Variants in CLEC4A observed in about 807,000 individuals in gnomAD.
The protein encoded by CLEC4A is C-type lectin domain family 4 member A, also known as C-type (calcium dependent, carbohydrate-recognition domain) lectin, superfamily member 6.
CLEC4A carries 27 observed loss-of-function variants against 32.7 expected under a neutral mutation model. The ratio of observed to expected loss-of-function variants is 0.83; its 90% CI spans 0.61 to 1.14. CLEC4A has a LOEUF of 1.14. Among genes scored for constraint, CLEC4A ranks in the 50% most tolerant of loss-of-function variants. The pLI, the probability that CLEC4A is intolerant of heterozygous loss-of-function variation, is 0.00. For synonymous variants in CLEC4A, 89 were observed against 93.7 expected (o/e 0.95, Z 0.29); for missense variants, 253 against 274.6 (o/e 0.92, Z 0.55).
At chr12:8,111,923 A>ATGTGTGTG in the CLEC4A span, among the ~76,000 whole-genome samples, 10 of 111,052 alleles carry the variant, frequency 9.0e-5, no homozygotes, top group African/African-American at 3.1e-4. Context: ...GAGTGTGTAT[A>ATGTGTGTG]TGTGTGTGTG....
chr12:8,134,296 G>T, intron 3 of CLEC4A: 1 of 1,612,274 alleles, frequency 6.2e-7, no homozygotes, highest in Non-Finnish European at 8.5e-7. Context: ...GAGCCTCAAA[G>T]CGGCAGATGG....
At chr12:8,136,970 C>G (rs886376493) in intron 5 of CLEC4A, 67 bp downstream of exon 5, 18 of 1,045,572 alleles carry the variant, frequency 1.7e-5, no homozygotes, top group Non-Finnish European at 2.4e-5. Flanking sequence ...GGTATTCTAG[C>G]TATCAGCTAT....
chr12:8,133,726 GCTC>G (rs1948039742), intron 3 of CLEC4A: 1 of 1,585,080 alleles, frequency 6.3e-7, no homozygotes, highest in African/African-American at 1.3e-5. Context: ...TCTTTCCCTA[GCTC>G]CTCCCCTCCC....
intron 3 of CLEC4A, chr12:8,134,914 TG>T: frequency 7.0e-7 from 1 of 1,425,926 alleles, no homozygotes; most frequent in East Asian, 2.6e-5. Context: ...TCTAGTTCTT[TG>T]CTGAAACTTT....
intron 2 of CLEC4A, among the ~76,000 whole-genome samples, chr12:8,126,848 C>T (rs949205141): frequency 3.3e-5 from 5 of 151,982 alleles, no homozygotes; most frequent in East Asian, 1.9e-4. Flanking sequence ...TTTGGGGAAA[C>T]GTAAGTATGC....
chr12:8,110,980 TC>T, the CLEC4A span, among the ~76,000 whole-genome samples: 3 of 151,998 alleles, frequency 2.0e-5, no homozygotes, highest in Non-Finnish European at 4.4e-5. Flanking sequence ...TTCACACCAT[TC>T]TCCTGCCTCA....
chr12:8,118,552 G>A, the CLEC4A span, among the ~76,000 whole-genome samples: 296 of 152,284 alleles, frequency 1.9e-3, 5 homozygotes, highest in Admixed American at 0.015. Flanking sequence ...TGGGAGCAAG[G>A]CACTTCACAC....
intron 4 of CLEC4A, 151 bp downstream of exon 4, chr12:8,135,887 A>G: frequency 1.5e-6 from 1 of 669,968 alleles, no homozygotes. Context: ...AAGCCTTTAT[A>G]TTCCATACCT....
At position 8,133,823 on chromosome 12, in the gene CLEC4A, G is replaced by A. The variant is rs1212797840; in HGVS notation, c.299-1762G>A. 4 of 1,584,982 alleles carry A rather than the reference G, an allele frequency of 2.5e-6. No individual in the cohort carries two copies. In the East Asian group the frequency reaches 6.8e-5, roughly 27 times the overall value. On this transcript the variant is annotated intron_variant, in intron 3 of 5. Coordinates refer to ENST00000229332, the MANE Select transcript of CLEC4A (RefSeq NM_016184.4). ...AGTGGTGACGGAGACAGGGGGAAAG[G>A]CTTCCCCCTCAGGGAAAGGGACCGA...
chr12:8,129,336 G>A lies in CLEC4A; in HGVS notation c.272G>A (p.Cys91Tyr), dbSNP rs1565404156. ...GAGCTGGTTCATACAACATTGGAGT[G>A]TGTGAAAAAAAATATGCCCGTGGAA... ...TKELVHTTLECVKKNMPVEET... is the reference protein window; with the variant it reads ...TKELVHTTLEYVKKNMPVEET... The change falls in exon 3 of 6, where the codon TGT (cysteine) becomes TAT (tyrosine). Residue 91 changes from cysteine to tyrosine, a missense_variant. By Grantham distance (194) the Cys-to-Tyr change is radical. Transcript: ENST00000229332. The A allele has an allele frequency of 6.2e-7, 1 of 1,608,528 alleles. No homozygotes were observed. Among genetic ancestry groups the A allele is most frequent in the South Asian group, 1.1e-5 (1 of 89,700 alleles).
At chr12:8,122,293 T>C (rs142521328), upstream of CLEC4A, among the ~76,000 whole-genome samples, 283 of 151,920 alleles carry the variant, frequency 1.9e-3, 1 homozygote, top group African/African-American at 6.5e-3. Context: ...CTTCCACCCA[T>C]AGGGTGACCT....
chr12:8,132,419 G>A (rs1374500880), intron 3 of CLEC4A, among the ~76,000 whole-genome samples: 1 of 152,154 alleles, frequency 6.6e-6, no homozygotes, highest in Admixed American at 6.5e-5. Flanking sequence ...TTATTTAAAA[G>A]TGTGTTGTTT....
intron 5 of CLEC4A, among the ~76,000 whole-genome samples, chr12:8,137,752 A>C (rs77304874): frequency 0.013 from 1,947 of 152,292 alleles, 43 homozygotes; most frequent in African/African-American, 0.045. Context: ...CTAGACTTTA[A>C]AAACAGTGCA....
At chr12:8,126,920 A>T (rs1464737113) in intron 2 of CLEC4A, among the ~76,000 whole-genome samples, 1 of 152,234 alleles carries the variant, frequency 6.6e-6, no homozygotes, top group Non-Finnish European at 1.5e-5. Flanking sequence ...TGGCAGAAAG[A>T]AACAGGACTC....
At chr12:8,123,463 A>C (rs1947851270), upstream of CLEC4A, among the ~76,000 whole-genome samples, 1 of 152,270 alleles carries the variant, frequency 6.6e-6, no homozygotes, top group Non-Finnish European at 1.5e-5. Flanking sequence ...TGTTTGGTCA[A>C]AAGTAATTAC....
intron 1 of CLEC4A, among the ~76,000 whole-genome samples, chr12:8,124,525 C>A (rs965091888): frequency 6.6e-6 from 1 of 152,084 alleles, no homozygotes; most frequent in Non-Finnish European, 1.5e-5. Flanking sequence ...GAACCTATTG[C>A]GTGTTGCATC....
the CLEC4A span, among the ~76,000 whole-genome samples, chr12:8,113,117 TC>T: frequency 1.4e-5 from 1 of 69,402 alleles, no homozygotes; most frequent in Non-Finnish European, 2.6e-5. Context: ...CCCTCCCCCC[TC>T]CCCCCACCCC....
In CLEC4A at chr12:8,129,335, T is replaced by C. The variant is rs765459701; in HGVS notation, c.271T>C (p.Cys91Arg). The C allele has an allele frequency of 3.5e-5, 56 of 1,608,218 alleles. No individual in the cohort carries two copies. Among genetic ancestry groups the C allele is most frequent in the Non-Finnish European group, 4.6e-5 (54 of 1,178,018 alleles). ...TKELVHTTLE[C>R]VKKNMPVEET... ...AGAGCTGGTTCATACAACATTGGAGTGTGTGAAAAAAAATATGCCCGTGGA... is the reference window on the plus strand; with the variant it reads ...AGAGCTGGTTCATACAACATTGGAGCGTGTGAAAAAAAATATGCCCGTGGA... The change falls in exon 3 of 6, where the codon TGT (cysteine) becomes CGT (arginine). Residue 91 changes from cysteine (C) to arginine (R), a missense_variant. Coordinates refer to ENST00000229332, the MANE Select transcript of CLEC4A (RefSeq NM_016184.4).
chr12:8,125,023 A>C (rs926645882), intron 1 of CLEC4A, among the ~76,000 whole-genome samples: 1 of 152,164 alleles, frequency 6.6e-6, no homozygotes, highest in African/African-American at 2.4e-5. Flanking sequence ...GGTAACTAAA[A>C]AGACTGACTT....
Sources: gnomAD v4.1 joint callset for allele counts (sites outside exome capture counted in the v4.1 genomes callset) on GRCh38, gnomAD v4.1.1 for gene constraint, MANE v1.5 for transcripts, NCBI Gene and HGNC (gene_info 2026-07-23, HGNC 2026-07-21) for gene names.